Variants in NID2 observed in about 807,000 individuals in gnomAD.
NID2 encodes nidogen 2, also known as nidogen-2.
Under a neutral mutation model 145.4 loss-of-function variants are expected in NID2, and 83 were observed. The observed-to-expected ratio is 0.57, with a 90% confidence interval of 0.48 to 0.69. The LOEUF is 0.69. Among genes scored for constraint, NID2 ranks in the 30% least tolerant of loss-of-function variants. The probability of loss-of-function intolerance (pLI) is 0.00; values close to 1 mark genes in which losing one functional copy is unlikely to be tolerated. For synonymous variants in NID2, 739 were observed against 701.3 expected (o/e 1.05, Z -0.85); for missense variants, 1,807 against 1,765.7 (o/e 1.02, Z -0.42).
chr14:52,035,020 A>G lies in NID2; in HGVS notation c.2257+3727T>C, dbSNP rs552036228. On this transcript the variant is annotated intron_variant, in intron 9 of 21. Transcript: ENST00000216286. ...AGAGAAAAATGGAGCAGAAAGTACG[A>G]GCTCCCATATCCCCCCACCCAAAAT... Among the ~76,000 whole-genome samples the G allele has an allele frequency of 4.0e-4, 59 of 146,452 alleles. 1 individual carries two copies. The South Asian group carries it at 6.6e-3, about 16-fold the overall frequency.
intron 5 of NID2, among the ~76,000 whole-genome samples, chr14:52,045,159 T>C (rs1892441750): frequency 6.6e-6 from 1 of 152,148 alleles, no homozygotes; most frequent in South Asian, 2.1e-4. Context: ...CAAGTATAAT[T>C]CGAGTCATAC....
chr14:52,011,069 G>C, intron 17 of NID2, 22 bp from the exon 18 acceptor site: 4 of 1,608,254 alleles, frequency 2.5e-6, no homozygotes, highest in Non-Finnish European at 3.4e-6. Context: ...GCAAAGTCAG[G>C]ACTGGAGTGT....
intron 9 of NID2, among the ~76,000 whole-genome samples, chr14:52,030,554 A>AAG (rs1261559929): frequency 8.4e-5 from 6 of 71,778 alleles, no homozygotes; most frequent in African/African-American, 2.4e-4. Context: ...GAAAGAAAGA[A>AAG]AGAAAGAAAG....
At position 52,014,371 on chromosome 14, in the gene NID2, A is replaced by G; in HGVS notation, c.3336T>C (p.Tyr1112=). The change falls in exon 16 of 22, where the codon TAT becomes TAC. Residue 1112 remains tyrosine (Y), a synonymous_variant. Transcript: ENST00000216286. ...TPPSVGTFLL[Y]TQGQQIGYLP... ...AGTAGCCAATCTGCTGGCCCTGAGTATAGAGCAGGAAGGTGCCCACAGATG... is the reference window on the plus strand; with the variant it reads ...AGTAGCCAATCTGCTGGCCCTGAGTGTAGAGCAGGAAGGTGCCCACAGATG... The G allele has an allele frequency of 6.2e-7, 1 of 1,614,228 alleles. No individual in the cohort carries two copies. Among genetic ancestry groups the G allele is most frequent in the Non-Finnish European group, 8.5e-7 (1 of 1,180,032 alleles).
intron 9 of NID2, among the ~76,000 whole-genome samples, chr14:52,030,589 A>C (rs1406513029): frequency 5.3e-4 from 22 of 41,344 alleles, no homozygotes; most frequent in Admixed American, 3.6e-3. Flanking sequence ...AAAGAAAGAA[A>C]GAAAGAAAGA....
At chr14:52,050,042 G>A (rs1239451373) in intron 5 of NID2, among the ~76,000 whole-genome samples, 2 of 152,144 alleles carry the variant, frequency 1.3e-5, no homozygotes, top group Non-Finnish European at 2.9e-5. Context: ...CCTTTCACAA[G>A]GCCAAAAGTG....
chr14:52,015,319 G>T, intron 14 of NID2, 44 bp from the exon 15 acceptor site: 1 of 1,553,952 alleles, frequency 6.4e-7, no homozygotes, highest in Non-Finnish European at 8.8e-7. Flanking sequence ...CTTTGATTGT[G>T]AGTCAAGGAC....
rs116780454 is a variant in NID2, at chr14:52,040,794, C to T, written c.1883G>A (p.Arg628His). ...AAGTCCCTCAGCAGTTTGAGTGATA[C>T]GAACCGTCTCCTCTCCCGGGTAGAA... is the stretch of plus-strand genomic sequence containing the variant. ...VTFYPGEETV[R>H]ITQTAEGLDP... The change falls in exon 8 of 22, where the codon CGT becomes CAT. Residue 628 changes from arginine to histidine, a missense_variant. Physicochemically the swap from Arg to His is conservative, Grantham distance 29. Transcript: ENST00000216286. 1.8e-3 allele frequency: 2,885 copies of T among 1,614,110 alleles called. 41 individuals carry two copies. The African/African-American group carries it at 0.033, about 18-fold the overall frequency.
chr14:52,053,869 T>G lies in NID2; in HGVS notation c.1139A>C (p.Lys380Thr). The change falls in exon 5 of 22, where the codon AAA becomes ACA. Residue 380 changes from lysine to threonine, a missense_variant. Transcript: ENST00000216286. ...CTCATCCCAGGGCTCAACTTGGCCT[T>G]TTAAATCTGGGCCCCCTACCTCTCC... Reference protein sequence around the residue: ...SLGEVGGPDLKGQVEPWDERE... With the variant: ...SLGEVGGPDLTGQVEPWDERE... 6.2e-7 allele frequency: 1 copy of G among 1,614,116 alleles called. No homozygotes were observed. Among genetic ancestry groups the G allele is most frequent in the Non-Finnish European group, 8.5e-7 (1 of 1,179,982 alleles).
At chr14:52,067,745 T>A (rs978524870) in intron 2 of NID2, 113 bp downstream of exon 2, 1 of 1,268,316 alleles carries the variant, frequency 7.9e-7, no homozygotes, top group Non-Finnish European at 1.1e-6. Context: ...CAAGGTCAGG[T>A]TCAGCGCAAG....
intron 19 of NID2, 28 bp downstream of exon 19, chr14:52,007,782 T>G (rs1183835390): frequency 1.9e-6 from 3 of 1,594,660 alleles, no homozygotes; most frequent in Non-Finnish European, 2.6e-6. Flanking sequence ...TGAGAGGTTA[T>G]CTATTTGCAT....
Position 52,005,486 on chromosome 14 carries a change from T to C in NID2, c.4128A>G (p.Ter1376=). 1 of 1,597,982 alleles carries C rather than the reference T, an allele frequency of 6.3e-7. No homozygotes were observed. Among genetic ancestry groups the C allele is most frequent in the South Asian group, 1.1e-5 (1 of 87,922 alleles). ...CAAGTCTTCCTTTACATTACTGTAC[T>C]TACTTTCTTCCTGTGAGAGAAGAGC... ...VYPYCPTGRK[*] is the part of the protein sequence containing the mutation. The change falls in exon 22 of 22, where the codon TAA becomes TAG. Residue 1376 remains the stop codon, a stop_retained_variant. Transcript: ENST00000216286.
intron 2 of NID2, among the ~76,000 whole-genome samples, chr14:52,065,513 T>TATTTATTTATTTATTC (rs1893168045): frequency 7.1e-6 from 1 of 139,952 alleles, no homozygotes; most frequent in Non-Finnish European, 1.5e-5. Flanking sequence ...TTTATTTATT[T>TATTTATTTATTTATTC]TTTATTATAC....
chr14:52,063,094 C>T (rs1893065329), intron 2 of NID2, among the ~76,000 whole-genome samples: 1 of 152,230 alleles, frequency 6.6e-6, no homozygotes, highest in Non-Finnish European at 1.5e-5. Context: ...CAAAATTCTA[C>T]ATCTAATTGC....
At chr14:52,023,245 G>C (rs183794393) in intron 12 of NID2, among the ~76,000 whole-genome samples, 1 of 152,098 alleles carries the variant, frequency 6.6e-6, no homozygotes, top group Non-Finnish European at 1.5e-5. Context: ...GGGAGGCTGA[G>C]GGGGGTAGAT....
rs1369728200 is a variant in NID2, at chr14:52,054,142, T to A, written c.947A>T (p.Asp316Val). The change falls in exon 4 of 22, where the codon GAT (aspartate) becomes GTT (valine). Residue 316 changes from aspartate (D) to valine (V), a missense_variant. Asp to Val is a radical substitution (Grantham distance 152). Transcript: ENST00000216286. ...TTCCTCCTCATTCACATCATAGTAATCCAAATTGTCCTCATTATAGTCACT... is the reference window on the plus strand; with the variant it reads ...TTCCTCCTCATTCACATCATAGTAAACCAAATTGTCCTCATTATAGTCACT... ...LESDYNEDNL[D>V]YYDVNEEEAE... is the part of the protein sequence containing the mutation. 1 of 1,614,004 alleles carries A rather than the reference T, an allele frequency of 6.2e-7. No individual in the cohort carries two copies. The highest frequency in any genetic ancestry group is 8.5e-7 in the Non-Finnish European group (1 of 1,180,024).
chr14:52,019,959 A>C (rs1420495618), intron 13 of NID2, 100 bp downstream of exon 13: 2 of 1,479,536 alleles, frequency 1.4e-6, no homozygotes, highest in Non-Finnish European at 1.8e-6. Flanking sequence ...AAATCCACCA[A>C]GGCTCCAGAC....
At chr14:52,018,363 C>T (rs1005510674) in intron 14 of NID2, among the ~76,000 whole-genome samples, 8 of 152,160 alleles carry the variant, frequency 5.3e-5, no homozygotes, top group African/African-American at 1.9e-4. Context: ...CTGAATAATT[C>T]AACAAGGAAC....
At chr14:52,040,439 T>C (rs968165639) in intron 8 of NID2, among the ~76,000 whole-genome samples, 2 of 152,190 alleles carry the variant, frequency 1.3e-5, no homozygotes, top group African/African-American at 4.8e-5. Context: ...AAATACTATG[T>C]AGGGATATAG....
Sources: gnomAD v4.1 joint callset for allele counts (sites outside exome capture counted in the v4.1 genomes callset) on GRCh38, gnomAD v4.1.1 for gene constraint, MANE v1.5 for transcripts, NCBI Gene and HGNC (gene_info 2026-07-23, HGNC 2026-07-21) for gene names.